Variants in DOK6 observed in about 807,000 individuals in gnomAD.
The protein encoded by DOK6 is docking protein 6.
Under a neutral mutation model 44.0 loss-of-function variants are expected in DOK6, and 22 were observed. The ratio of observed to expected loss-of-function variants is 0.50; its 90% CI spans 0.36 to 0.71. DOK6 has a LOEUF of 0.71. Among genes scored for constraint, DOK6 ranks in the 30% least tolerant of loss-of-function variants. The probability of loss-of-function intolerance (pLI) is 0.00; values close to 1 mark genes in which losing one functional copy is unlikely to be tolerated. For synonymous variants in DOK6, 166 were observed against 145.5 expected (o/e 1.14, Z -1.01); for missense variants, 340 against 416.4 (o/e 0.82, Z 1.60).
intron 1 of DOK6, among the ~76,000 whole-genome samples, chr18:69,542,938 T>G (rs1294437684): frequency 6.6e-6 from 1 of 151,544 alleles, no homozygotes; most frequent in African/African-American, 2.4e-5. Flanking sequence ...TAAAACATAC[T>G]TATTATTGCA....
chr18:69,427,997 C>T (rs535438786), intron 1 of DOK6, among the ~76,000 whole-genome samples: 5 of 152,140 alleles, frequency 3.3e-5, no homozygotes, highest in African/African-American at 1.2e-4. Context: ...AGGCTGGTCT[C>T]GAACTCCTGT....
intron 4 of DOK6, among the ~76,000 whole-genome samples, chr18:69,687,508 C>G (rs1003330193): frequency 5.3e-5 from 8 of 152,050 alleles, no homozygotes; most frequent in African/African-American, 1.9e-4. Context: ...ATGGTGAAAC[C>G]CCATCTTTAC....
At chr18:69,618,110 G>A (rs1348932345) in intron 3 of DOK6, among the ~76,000 whole-genome samples, 4 of 152,214 alleles carry the variant, frequency 2.6e-5, no homozygotes, top group Admixed American at 2.0e-4. Context: ...CAACCACTAT[G>A]AGCTAGGAGA....
chr18:69,757,878 G>A lies in DOK6; in HGVS notation c.856+5G>A. The A allele has an allele frequency of 1.2e-6, 2 of 1,612,460 alleles. No individual in the cohort carries two copies. Among genetic ancestry groups the A allele is most frequent in the Non-Finnish European group, 1.7e-6 (2 of 1,178,496 alleles). On this transcript the variant is annotated splice_donor_5th_base_variant and intron_variant, in intron 7 of 7. Coordinates refer to ENST00000382713, the MANE Select transcript of DOK6 (RefSeq NM_152721.6). ...GTGAAATCTACAGTTTGCAAGGCAA[G>A]TCACTTTAATGTAAGAAAGCAGTGC...
chr18:69,675,459 G>T (rs1292862679), intron 3 of DOK6, among the ~76,000 whole-genome samples: 1 of 152,010 alleles, frequency 6.6e-6, no homozygotes, highest in Non-Finnish European at 1.5e-5. Context: ...AAAGAATAAT[G>T]CAAAAAAGAT....
intron 7 of DOK6, among the ~76,000 whole-genome samples, chr18:69,829,982 A>G (rs1291603458): frequency 6.6e-6 from 1 of 152,168 alleles, no homozygotes; most frequent in African/African-American, 2.4e-5. Context: ...AATTAAAACT[A>G]ATTTTTTTGA....
At chr18:69,472,360 G>T (rs929133082) in intron 1 of DOK6, among the ~76,000 whole-genome samples, 2 of 152,074 alleles carry the variant, frequency 1.3e-5, no homozygotes, top group Non-Finnish European at 2.9e-5. Context: ...TTTATAATGA[G>T]AATACCCCCA....
chr18:69,667,369 C>T (rs1286977923), intron 3 of DOK6, among the ~76,000 whole-genome samples: 2 of 152,158 alleles, frequency 1.3e-5, no homozygotes, highest in Non-Finnish European at 2.9e-5. Flanking sequence ...GCACTGACTC[C>T]AACTTCTGTT....
chr18:69,516,154 A>G (rs1453099497), intron 1 of DOK6, among the ~76,000 whole-genome samples: 1 of 152,200 alleles, frequency 6.6e-6, no homozygotes, highest in Non-Finnish European at 1.5e-5. Context: ...GAGTGCGTAT[A>G]ATGGCCCAGG....
chr18:69,437,701 G>A lies in DOK6; in HGVS notation c.66+36391G>A, dbSNP rs7230670. Among the ~76,000 whole-genome samples, 961 of 152,238 alleles carry A rather than the reference G, an allele frequency of 6.3e-3. 6 individuals carry two copies. The highest frequency in any genetic ancestry group is 0.022 in the African/African-American group (907 of 41,520). On this transcript the variant is annotated intron_variant, in intron 1 of 7. Coordinates refer to ENST00000382713, the MANE Select transcript of DOK6 (RefSeq NM_152721.6). ...AGTTAAAGTAGTTTTTTCTAATTCT[G>A]TGAAGAAACTCAATGGTAGCTTGAT...
intron 7 of DOK6, among the ~76,000 whole-genome samples, chr18:69,830,495 C>A (rs1413884282): frequency 2.0e-5 from 3 of 152,118 alleles, no homozygotes; most frequent in African/African-American, 7.2e-5. Flanking sequence ...ACAAAGATGG[C>A]CATCTGCAAA....
At chr18:69,551,009 T>C (rs1396051313) in intron 1 of DOK6, among the ~76,000 whole-genome samples, 1 of 151,888 alleles carries the variant, frequency 6.6e-6, no homozygotes, top group Non-Finnish European at 1.5e-5. Flanking sequence ...GAGTTTTTTT[T>C]TAATCTTAAC....
chr18:69,663,432 A>G (rs1184189153), intron 3 of DOK6: 1 of 152,174 alleles, frequency 6.6e-6, no homozygotes, highest in Non-Finnish European at 1.5e-5. Flanking sequence ...GTAGAAAAAA[A>G]AAAAAGAAAT....
intron 1 of DOK6, among the ~76,000 whole-genome samples, chr18:69,528,698 C>A (rs1238115160): frequency 6.6e-6 from 1 of 152,168 alleles, no homozygotes; most frequent in Non-Finnish European, 1.5e-5. Flanking sequence ...TATCCATCAT[C>A]CATGACGTAG....
At chr18:69,810,356 C>T (rs1234950601) in intron 7 of DOK6, among the ~76,000 whole-genome samples, 4 of 151,958 alleles carry the variant, frequency 2.6e-5, no homozygotes, top group African/African-American at 4.8e-5. Context: ...AACTGTAAAA[C>T]TACTAGAAGA....
chr18:69,507,135 C>T (rs1205533763), intron 1 of DOK6, among the ~76,000 whole-genome samples: 1 of 151,994 alleles, frequency 6.6e-6, no homozygotes, highest in African/African-American at 2.4e-5. Context: ...TCAAGCAATT[C>T]CCCTGCCTCA....
intron 1 of DOK6, among the ~76,000 whole-genome samples, chr18:69,449,253 A>G (rs1269565310): frequency 7.9e-5 from 12 of 152,326 alleles, no homozygotes; most frequent in Admixed American, 5.2e-4. Context: ...TTCCATTATC[A>G]CTTAAGAATA....
chr18:69,708,101 T>A (rs904712101), intron 5 of DOK6, among the ~76,000 whole-genome samples: 1 of 152,034 alleles, frequency 6.6e-6, no homozygotes, highest in Non-Finnish European at 1.5e-5. Context: ...AAACCAGGAG[T>A]GTTTTCTATG....
intron 1 of DOK6, among the ~76,000 whole-genome samples, chr18:69,437,858 A>C (rs1182771576): frequency 2.6e-5 from 4 of 152,196 alleles, no homozygotes; most frequent in Non-Finnish European, 5.9e-5. Context: ...AGAGTCAAAC[A>C]AATTTGGAGG....
Sources: gnomAD v4.1 joint callset for allele counts (sites outside exome capture counted in the v4.1 genomes callset) on GRCh38, gnomAD v4.1.1 for gene constraint, MANE v1.5 for transcripts, NCBI Gene and HGNC (gene_info 2026-07-23, HGNC 2026-07-21) for gene names.